Variants in CNKSR2 observed in about 807,000 individuals in gnomAD.
CNKSR2 encodes the protein CNK homolog protein 2.
In CNKSR2, 14 loss-of-function variants were observed where a neutral mutation model predicts 84.4. The ratio of observed to expected loss-of-function variants is 0.17; its 90% confidence interval spans 0.11 to 0.26. The LOEUF (loss-of-function observed/expected upper bound fraction) is 0.26, where lower values mean the gene tolerates loss of function less well. Among genes scored for constraint, CNKSR2 ranks in the 10% least tolerant of loss-of-function variants. The probability of loss-of-function intolerance (pLI) is 1.00; values close to 1 mark genes in which losing one functional copy is unlikely to be tolerated. For missense variants in CNKSR2, 485 were observed against 771.2 expected (o/e 0.63, Z 4.40); for synonymous variants, 275 against 277.9 (o/e 0.99, Z 0.10).
At chrX:21,400,776 G>A in intron 1 of CNKSR2, among the ~76,000 whole-genome samples, 1 of 111,152 alleles carries the variant, frequency 9.0e-6, no homozygotes, top group South Asian at 3.7e-4. Context: ...ATAGGTTGTT[G>A]CCTGAATGAA....
At chrX:21,441,069 T>G (rs765128890) in intron 4 of CNKSR2, 1 of 154,351 alleles carries the variant, frequency 6.5e-6, no homozygotes, top group Non-Finnish European at 1.2e-5. Flanking sequence ...CCACTTCAAA[T>G]ATTATCTAAG....
chrX:21,445,663 T>A (rs1385154816), intron 4 of CNKSR2, among the ~76,000 whole-genome samples: 1 of 111,840 alleles, frequency 8.9e-6, no homozygotes, highest in Admixed American at 9.5e-5. Flanking sequence ...TGAGCTCAAT[T>A]TTTTTAGCTT....
At chrX:21,459,185 G>A (rs1340112435) in intron 4 of CNKSR2, among the ~76,000 whole-genome samples, 3 of 109,561 alleles carry the variant, frequency 2.7e-5, no homozygotes, top group East Asian at 2.9e-4. Context: ...ACCACCACCC[G>A]GCTACTTTTT....
rs2089780773 is a variant in CNKSR2, at chrX:21,374,749, G to C, written c.-149G>C. On this transcript the variant is annotated 5_prime_UTR_variant, in exon 1 of 22. Transcript: ENST00000379510. ...CGGTTGGCTAAAAGACGTTACAGCCGCGAGACCCGACACACAAAAGCCGCT... is the reference window on the plus strand; with the variant it reads ...CGGTTGGCTAAAAGACGTTACAGCCCCGAGACCCGACACACAAAAGCCGCT... The C allele has an allele frequency of 7.6e-6, 4 of 529,089 alleles. No individual in the cohort carries two copies. Among genetic ancestry groups the C allele is most frequent in the Admixed American group, 2.7e-5 (1 of 36,764 alleles). 43.6% of individuals were successfully genotyped at this position (529,089 alleles called of 1,213,427 possible). A position where few individuals can be genotyped will look rare whatever the true frequency, so the allele number is the denominator to read the frequency against.
chrX:21,450,956 A>T (rs2147104465), intron 4 of CNKSR2, among the ~76,000 whole-genome samples: 1 of 112,467 alleles, frequency 8.9e-6, no homozygotes, highest in African/African-American at 3.2e-5. Flanking sequence ...TGTTTTAAAA[A>T]CTGTGAAACT....
At chrX:21,510,357 T>C (rs1302982151) in intron 8 of CNKSR2, among the ~76,000 whole-genome samples, 1 of 108,891 alleles carries the variant, frequency 9.2e-6, no homozygotes, top group Non-Finnish European at 1.9e-5. Flanking sequence ...TGAAAAAAGG[T>C]AAAAAAAAAG....
At chrX:21,539,497 A>G (rs2091957962) in intron 11 of CNKSR2, among the ~76,000 whole-genome samples, 1 of 101,176 alleles carries the variant, frequency 9.9e-6, no homozygotes, top group South Asian at 3.9e-4. Flanking sequence ...CAGGCATTTC[A>G]TACAGTTTTT....
At chrX:21,562,540 A>G (rs1334398430) in intron 12 of CNKSR2, among the ~76,000 whole-genome samples, 1 of 111,525 alleles carries the variant, frequency 9.0e-6, no homozygotes, top group Non-Finnish European at 1.9e-5. Context: ...AGATTCCTTT[A>G]TATCTGTGTA....
At chrX:21,550,297 C>T (rs762191090) in intron 11 of CNKSR2, among the ~76,000 whole-genome samples, 106 of 111,704 alleles carry the variant, frequency 9.5e-4, no homozygotes, top group Non-Finnish European at 1.8e-3. Flanking sequence ...TTTATGTGGC[C>T]GACAAACATA....
At chrX:21,454,271 A>G (rs1025819642) in intron 4 of CNKSR2, among the ~76,000 whole-genome samples, 2 of 111,946 alleles carry the variant, frequency 1.8e-5, no homozygotes, top group Admixed American at 1.9e-4. Context: ...ATTAAGTGCA[A>G]TGAAGTCTGA....
chrX:21,530,122 G>A (rs1323842752), intron 10 of CNKSR2, among the ~76,000 whole-genome samples: 1 of 111,186 alleles, frequency 9.0e-6, no homozygotes, highest in Non-Finnish European at 1.9e-5. Context: ...TTCAGGAAAA[G>A]TTTTCAGCAA....
intron 5 of CNKSR2, among the ~76,000 whole-genome samples, chrX:21,476,754 G>T (rs1356397951): frequency 9.0e-6 from 1 of 111,374 alleles, no homozygotes; most frequent in Non-Finnish European, 1.9e-5. Context: ...AGGACAAAAG[G>T]CAATACAGAT....
chrX:21,640,628 C>A (rs1052622446), intron 20 of CNKSR2, among the ~76,000 whole-genome samples: 1 of 111,679 alleles, frequency 9.0e-6, no homozygotes, highest in African/African-American at 3.3e-5. Context: ...TTTCTCTATT[C>A]TCTCTCCCAA....
At chrX:21,546,097 T>C (rs2092022772) in intron 11 of CNKSR2, among the ~76,000 whole-genome samples, 1 of 110,282 alleles carries the variant, frequency 9.1e-6, no homozygotes, top group Non-Finnish European at 1.9e-5. Context: ...AGAAGTAAGC[T>C]TCAGAAGATG....
chrX:21,443,584 G>A (rs1419046837), intron 4 of CNKSR2, among the ~76,000 whole-genome samples: 4 of 111,211 alleles, frequency 3.6e-5, no homozygotes, highest in Admixed American at 1.9e-4. Flanking sequence ...CTTGGTTATC[G>A]CTGGTTGTCT....
At chrX:21,505,683 A>G (rs2091606052) in intron 8 of CNKSR2, 1 of 110,948 alleles carries the variant, frequency 9.0e-6, no homozygotes, top group South Asian at 3.8e-4. Flanking sequence ...ACAACAGGAG[A>G]ATATTGTTCA....
intron 1 of CNKSR2, among the ~76,000 whole-genome samples, chrX:21,388,956 T>C (rs746570661): frequency 3.7e-4 from 41 of 109,427 alleles, no homozygotes; most frequent in Non-Finnish European, 7.0e-4. Flanking sequence ...CATGTACCCA[T>C]GATACGATGT....
intron 7 of CNKSR2, among the ~76,000 whole-genome samples, chrX:21,501,205 T>C (rs57794607): frequency 0.056 from 6,199 of 110,980 alleles, 416 homozygotes; most frequent in African/African-American, 0.18. Flanking sequence ...CATTTTTTCA[T>C]AATGCTCTCA....
chrX:21,535,083 A>G (rs1043015082), intron 11 of CNKSR2, among the ~76,000 whole-genome samples: 3 of 110,811 alleles, frequency 2.7e-5, no homozygotes, highest in Non-Finnish European at 5.7e-5. Context: ...TTCTAGTTTC[A>G]TTTTTCTGAA....
Sources: allele counts gnomAD v4.1 joint callset (sites outside exome capture counted in the v4.1 genomes callset), GRCh38; gene constraint gnomAD v4.1.1; transcripts MANE v1.5; gene names NCBI Gene and HGNC (gene_info 2026-07-23, HGNC 2026-07-21).